Variants in PDSS2 observed in about 807,000 individuals in gnomAD.
The protein encoded by PDSS2 is decaprenyl diphosphate synthase subunit 2, also known as all trans-polyprenyl-diphosphate synthase PDSS2.
In PDSS2, 31 loss-of-function variants were observed where a neutral mutation model predicts 44.5. That is an observed-to-expected ratio of 0.70 (90% CI 0.52 to 0.94). PDSS2 has a LOEUF of 0.94. PDSS2 is among the 40% of genes least tolerant of loss of function. PDSS2 has a pLI of 0.00. For missense variants in PDSS2, 452 were observed against 482.2 expected (o/e 0.94, Z 0.59); for synonymous variants, 157 against 180.3 (o/e 0.87, Z 1.03).
At chr6:107,286,634 C>T (rs1269268309) in intron 2 of PDSS2, among the ~76,000 whole-genome samples, 2 of 151,614 alleles carry the variant, frequency 1.3e-5, no homozygotes, top group South Asian at 2.1e-4. Flanking sequence ...TGAAGCTTAC[C>T]CAAATAAGTA....
At chr6:107,211,886 A>T (rs1339641797) in intron 5 of PDSS2, among the ~76,000 whole-genome samples, 1 of 152,220 alleles carries the variant, frequency 6.6e-6, no homozygotes, top group Non-Finnish European at 1.5e-5. Flanking sequence ...AAAGACAAAC[A>T]TCACAAAAAT....
intron 1 of PDSS2, among the ~76,000 whole-genome samples, chr6:107,352,296 G>T (rs1434505062): frequency 2.0e-5 from 3 of 152,222 alleles, no homozygotes; most frequent in South Asian, 2.1e-4. Flanking sequence ...TCCTACACAA[G>T]TCAGCAATAG....
chr6:107,364,635 C>T (rs923868244), intron 1 of PDSS2, among the ~76,000 whole-genome samples: 7 of 152,296 alleles, frequency 4.6e-5, no homozygotes, highest in Non-Finnish European at 1.0e-4. Flanking sequence ...CCCTCCACAC[C>T]TCCCTGCAAG....
At chr6:107,165,636 T>C (rs1186904645) in intron 7 of PDSS2, among the ~76,000 whole-genome samples, 4 of 151,730 alleles carry the variant, frequency 2.6e-5, no homozygotes, top group African/African-American at 9.7e-5. Flanking sequence ...TAGGATTGTC[T>C]TGGCAATGCA....
chr6:107,155,493 T>C (rs1405372657), intron 7 of PDSS2, among the ~76,000 whole-genome samples: 1 of 151,940 alleles, frequency 6.6e-6, no homozygotes. Flanking sequence ...AATATCTTAG[T>C]TAATAACTTT....
intron 4 of PDSS2, among the ~76,000 whole-genome samples, chr6:107,213,462 T>TA (rs529768962): frequency 1.5e-4 from 23 of 151,182 alleles, no homozygotes; most frequent in Non-Finnish European, 3.4e-4. Flanking sequence ...CCCTCTATCT[T>TA]AAAAAAAGAA....
At chr6:107,322,581 A>C (rs1317525504) in intron 2 of PDSS2, among the ~76,000 whole-genome samples, 1 of 152,050 alleles carries the variant, frequency 6.6e-6, no homozygotes, top group Non-Finnish European at 1.5e-5. Context: ...GTGGTGGCTC[A>C]TGCCTGTAAT....
intron 6 of PDSS2, among the ~76,000 whole-genome samples, chr6:107,207,978 GTTTTTTTTTTT>G (rs756043067): frequency 1.5e-5 from 1 of 67,562 alleles, no homozygotes; most frequent in Non-Finnish European, 2.6e-5. Context: ...TCTATGACTT[GTTTTTTTTTTT>G]TTTTTTTTTT....
At chr6:107,430,667 A>C (rs1781166415) in intron 1 of PDSS2, among the ~76,000 whole-genome samples, 1 of 151,014 alleles carries the variant, frequency 6.6e-6, no homozygotes, top group South Asian at 2.1e-4. Context: ...AAATTAGCCA[A>C]GCGTGGTAGT....
At chr6:107,224,980 G>T (rs1312215311) in intron 4 of PDSS2, among the ~76,000 whole-genome samples, 1 of 149,148 alleles carries the variant, frequency 6.7e-6, no homozygotes, top group Non-Finnish European at 1.5e-5. Context: ...TGAAGAATCT[G>T]CTCCAAGCTC....
At chr6:107,401,868 A>T (rs1460283561) in intron 1 of PDSS2, among the ~76,000 whole-genome samples, 1 of 152,144 alleles carries the variant, frequency 6.6e-6, no homozygotes, top group East Asian at 1.9e-4. Context: ...TGAACAGCTG[A>T]GCACAGTGGC....
intron 1 of PDSS2, among the ~76,000 whole-genome samples, chr6:107,418,775 AAAAC>A (rs777802535): frequency 7.2e-5 from 11 of 152,272 alleles, no homozygotes; most frequent in African/African-American, 1.9e-4. Context: ...ACTCTGTCTC[AAAAC>A]AAACAAACAA....
At chr6:107,327,927 G>A (rs184901158) in intron 2 of PDSS2, among the ~76,000 whole-genome samples, 22 of 152,350 alleles carry the variant, frequency 1.4e-4, no homozygotes, top group African/African-American at 3.4e-4. Flanking sequence ...CATCGTCCAT[G>A]TTAAACTACT....
intron 4 of PDSS2, among the ~76,000 whole-genome samples, chr6:107,232,900 C>T (rs936853913): frequency 6.6e-6 from 1 of 151,414 alleles, no homozygotes; most frequent in African/African-American, 2.4e-5. Flanking sequence ...AGTGCAGTGG[C>T]GCGATCTCTA....
At chr6:107,349,828 A>G (rs760529411) in intron 1 of PDSS2, among the ~76,000 whole-genome samples, 6 of 152,206 alleles carry the variant, frequency 3.9e-5, no homozygotes, top group Non-Finnish European at 7.3e-5. Context: ...CACTAACGGG[A>G]ATACATTACT....
intron 2 of PDSS2, among the ~76,000 whole-genome samples, chr6:107,315,078 T>G (rs1170242090): frequency 6.6e-6 from 1 of 152,230 alleles, no homozygotes; most frequent in Admixed American, 6.5e-5. Context: ...AATACTGTCA[T>G]TATATATAAT....
In PDSS2 at chr6:107,199,874, C is replaced by A. The variant is rs145102258; in HGVS notation, c.1009-6020G>T. The stretch of plus-strand genomic sequence containing the variant: ...GGTAATGTAGAGCCCTTAGCTGATG[C>A]CTTACATGTAATTTTTACCCATATA... On this transcript the variant is annotated intron_variant, in intron 6 of 7. Transcript: ENST00000369037. 3.6e-4 allele frequency among the ~76,000 whole-genome samples: 55 copies of A among 152,148 alleles called. No individual in the cohort carries two copies. In the East Asian group the frequency reaches 9.7e-3, roughly 27 times the overall value.
chr6:107,274,311 T>C (rs965251966), intron 2 of PDSS2, 84 bp from the exon 3 acceptor site: 5 of 1,115,050 alleles, frequency 4.5e-6, no homozygotes, highest in Non-Finnish European at 6.8e-6. Context: ...AACAATAAAA[T>C]ATTCCATAGG....
chr6:107,191,754 G>C (rs1195340936), intron 7 of PDSS2, among the ~76,000 whole-genome samples: 1 of 152,126 alleles, frequency 6.6e-6, no homozygotes, highest in East Asian at 1.9e-4. Context: ...GCAACTACAA[G>C]TGCTCATCAC....
Sources: allele counts gnomAD v4.1 joint callset (sites outside exome capture counted in the v4.1 genomes callset), GRCh38; gene constraint gnomAD v4.1.1; transcripts MANE v1.5; gene names NCBI Gene and HGNC (gene_info 2026-07-23, HGNC 2026-07-21).